CNTNAP5: variants seen among roughly 807,000 people sequenced by gnomAD.
CNTNAP5 encodes contactin-associated protein-like 5.
Under a neutral mutation model 150.2 loss-of-function variants are expected in CNTNAP5, and 72 were observed. The ratio of observed to expected loss-of-function variants is 0.48; its 90% CI spans 0.40 to 0.58. CNTNAP5 has a LOEUF of 0.58. CNTNAP5 is among the 20% of genes least tolerant of loss of function. CNTNAP5 has a pLI of 0.00. For synonymous variants in CNTNAP5, 672 were observed against 619.8 expected (o/e 1.08, Z -1.25); for missense variants, 1,636 against 1,626.2 (o/e 1.01, Z -0.10).
intron 18 of CNTNAP5, among the ~76,000 whole-genome samples, chr2:124,795,401 G>T (rs1291577034): frequency 6.6e-6 from 1 of 152,192 alleles, no homozygotes; most frequent in Non-Finnish European, 1.5e-5. Flanking sequence ...GTCTCAGGAG[G>T]CTCTGCTCTC....
chr2:124,169,049 C>A (rs920758334), intron 1 of CNTNAP5, among the ~76,000 whole-genome samples: 1 of 152,022 alleles, frequency 6.6e-6, no homozygotes, highest in South Asian at 2.1e-4. Context: ...TATTTCTATT[C>A]GGAGCACTGC....
chr2:124,347,635 A>G (rs567319821), intron 3 of CNTNAP5, among the ~76,000 whole-genome samples: 10 of 152,282 alleles, frequency 6.6e-5, no homozygotes, highest in Admixed American at 5.2e-4. Flanking sequence ...TTTTGTGCTT[A>G]TGGTTGCCTA....
At chr2:124,154,434 G>A (rs1485834748) in intron 1 of CNTNAP5, among the ~76,000 whole-genome samples, 2 of 152,052 alleles carry the variant, frequency 1.3e-5, no homozygotes, top group South Asian at 2.1e-4. Context: ...CAATTCACTG[G>A]GAAATGCGAA....
intron 3 of CNTNAP5, among the ~76,000 whole-genome samples, chr2:124,330,284 T>C (rs966241087): frequency 6.6e-6 from 1 of 152,214 alleles, no homozygotes; most frequent in Non-Finnish European, 1.5e-5. Flanking sequence ...TAATCAGTGC[T>C]TCCAATTGTC....
intron 19 of CNTNAP5, among the ~76,000 whole-genome samples, chr2:124,823,922 CT>C (rs758235068): frequency 1.4e-3 from 200 of 140,172 alleles, no homozygotes; most frequent in Non-Finnish European, 1.3e-3. Context: ...TTTTTTTTTT[CT>C]TTTTTTTTTT....
intron 3 of CNTNAP5, among the ~76,000 whole-genome samples, chr2:124,335,832 C>T (rs944917680): frequency 3.9e-5 from 6 of 151,908 alleles, no homozygotes; most frequent in African/African-American, 9.7e-5. Flanking sequence ...CCAACTATGC[C>T]GGATTTGCAG....
chr2:124,102,821 G>C (rs1683093269), intron 1 of CNTNAP5, among the ~76,000 whole-genome samples: 1 of 152,190 alleles, frequency 6.6e-6, no homozygotes, highest in African/African-American at 2.4e-5. Flanking sequence ...TAAATGAGCT[G>C]AATCAGGTAA....
chr2:124,775,797 T>C (rs1218881726), intron 17 of CNTNAP5, among the ~76,000 whole-genome samples: 1 of 152,192 alleles, frequency 6.6e-6, no homozygotes, highest in African/African-American at 2.4e-5. Context: ...GCTTCTGAAA[T>C]GTAAGCTGCA....
chr2:124,346,829 G>T (rs1031530007), intron 3 of CNTNAP5, among the ~76,000 whole-genome samples: 3 of 151,306 alleles, frequency 2.0e-5, no homozygotes, highest in Non-Finnish European at 2.9e-5. Flanking sequence ...CCAGCACTTT[G>T]TGAGGCTGAG....
At chr2:124,661,538 C>T (rs912597724) in intron 13 of CNTNAP5, among the ~76,000 whole-genome samples, 1 of 146,642 alleles carries the variant, frequency 6.8e-6, no homozygotes, top group African/African-American at 2.5e-5. Flanking sequence ...CTGGAATTCC[C>T]CCGAAGGGCC....
chr2:124,652,054 T>G (rs1384732551), intron 13 of CNTNAP5, among the ~76,000 whole-genome samples: 2 of 152,230 alleles, frequency 1.3e-5, no homozygotes, highest in Non-Finnish European at 2.9e-5. Context: ...AGTTGGTGAC[T>G]GAACCATGAC....
chr2:124,758,532 T>C (rs1680889217), intron 14 of CNTNAP5, among the ~76,000 whole-genome samples: 2 of 152,006 alleles, frequency 1.3e-5, no homozygotes, highest in South Asian at 4.2e-4. Context: ...GGGGCCGACA[T>C]GTTCCATGGA....
intron 1 of CNTNAP5, among the ~76,000 whole-genome samples, chr2:124,056,936 C>T (rs911821076): frequency 6.6e-6 from 1 of 152,114 alleles, no homozygotes; most frequent in Non-Finnish European, 1.5e-5. Context: ...TTACTGTTTT[C>T]TATCAAAAGC....
intron 11 of CNTNAP5, among the ~76,000 whole-genome samples, chr2:124,588,157 T>TCCTTCCTTCCTTCC (rs59736295): frequency 1.5e-3 from 118 of 79,232 alleles, no homozygotes; most frequent in African/African-American, 5.1e-3. Flanking sequence ...CTTCCTTCCT[T>TCCTTCCTTCCTTCC]TTCCTTCCTT....
intron 22 of CNTNAP5, among the ~76,000 whole-genome samples, chr2:124,904,506 G>A (rs1678487430): frequency 6.6e-6 from 1 of 151,560 alleles, no homozygotes; most frequent in Admixed American, 6.6e-5. Flanking sequence ...AAAAAAAAAA[G>A]CATAATACTG....
intron 11 of CNTNAP5, among the ~76,000 whole-genome samples, chr2:124,588,220 C>CT (rs1304819048): frequency 6.0e-5 from 7 of 117,408 alleles, no homozygotes; most frequent in African/African-American, 2.2e-4. Context: ...TTCTTTCTTT[C>CT]TTTCTTTCTT....
chr2:124,126,150 A>G (rs560596449), intron 1 of CNTNAP5, among the ~76,000 whole-genome samples: 219 of 152,338 alleles, frequency 1.4e-3, no homozygotes, highest in African/African-American at 5.1e-3. Flanking sequence ...AAGATCAACA[A>G]AATTGATAGA....
chr2:124,814,676 T>G (rs1682311331), intron 19 of CNTNAP5, among the ~76,000 whole-genome samples: 1 of 151,900 alleles, frequency 6.6e-6, no homozygotes, highest in Non-Finnish European at 1.5e-5. Flanking sequence ...TAAAGCACAG[T>G]GAAGAAAGAA....
intron 17 of CNTNAP5, among the ~76,000 whole-genome samples, chr2:124,786,507 AAAAG>A (rs150483975): frequency 3.1e-4 from 41 of 132,148 alleles, no homozygotes; most frequent in South Asian, 7.7e-4. Context: ...GAGGGAAAGA[AAAAG>A]AAAGAAAGAA....
Sources: allele counts gnomAD v4.1 joint callset (sites outside exome capture counted in the v4.1 genomes callset), GRCh38; gene constraint gnomAD v4.1.1; transcripts MANE v1.5; gene names NCBI Gene and HGNC (gene_info 2026-07-23, HGNC 2026-07-21).